NACC1: variants seen among roughly 807,000 people sequenced by gnomAD.
The protein encoded by NACC1 is nucleus accumbens-associated protein 1.
Under a neutral mutation model 41.7 loss-of-function variants are expected in NACC1, and 6 were observed. The observed-to-expected ratio is 0.14, with a 90% CI of 0.08 to 0.28. The LOEUF is 0.28. Ranked by LOEUF, NACC1 falls within the 10% of genes least tolerant of loss-of-function variation. NACC1 has a pLI of 1.00. For synonymous variants in NACC1, 338 were observed against 330.6 expected (o/e 1.02, Z -0.24); for missense variants, 434 against 763.7 (o/e 0.57, Z 5.09).
rs1477811882 is a variant in NACC1, at chr19:13,138,833, CA to C, written c.*428del. On this transcript the variant is annotated 3_prime_UTR_variant, in exon 6 of 6. Coordinates refer to ENST00000292431, the MANE Select transcript of NACC1 (RefSeq NM_052876.4). The surrounding 1 kb of genome is among the most constrained non-coding windows in gnomAD (Gnocchi z 5.7). ...ACTTGAGGGGGGCCCCAGGGGTTCT[CA>C]GGACCCCTCCCACCACCTCCCAGTG... 2 of 183,490 alleles carry C rather than the reference CA, an allele frequency of 1.1e-5. No homozygotes were observed. The highest frequency in any genetic ancestry group is 1.1e-4 in the Admixed American group (2 of 18,388). 11.4% of individuals were successfully genotyped at this position (183,490 alleles called of 1,614,324 possible).
At position 13,138,419 on chromosome 19, in the gene NACC1, C is replaced by A. The variant is rs758612437; in HGVS notation, c.*13C>A. 8 of 1,605,714 alleles carry A rather than the reference C, an allele frequency of 5.0e-6. No individual in the cohort carries two copies. In the South Asian group the frequency reaches 5.5e-5, roughly 11 times the overall value. On this transcript the variant is annotated 3_prime_UTR_variant, in exon 6 of 6. Transcript: ENST00000292431. The surrounding 1 kb of genome is among the most constrained non-coding windows in gnomAD (Gnocchi z 5.7). The stretch of plus-strand genomic sequence containing the variant: ...AGCCCTGCAGTAACCCGCCCAGCCT[C>A]CCGCGGGGCCACACACTTCCCCTCC...
intron 1 of NACC1, among the ~76,000 whole-genome samples, chr19:13,129,869 T>TG (rs969507920): frequency 1.3e-5 from 2 of 150,890 alleles, no homozygotes; most frequent in Admixed American, 6.6e-5. Context: ...CATTGCCAAA[T>TG]GGGGGGGTTC....
chr19:13,134,946 G>T (rs988123514), intron 1 of NACC1, among the ~76,000 whole-genome samples: 1 of 152,224 alleles, frequency 6.6e-6, no homozygotes, highest in Non-Finnish European at 1.5e-5. Flanking sequence ...CCTCCTCTTT[G>T]CAAGGGATAG....
chr19:13,135,168 T>C, intron 1 of NACC1, 32 bp from the exon 2 acceptor site: 1 of 1,527,786 alleles, frequency 6.5e-7, no homozygotes, highest in Non-Finnish European at 8.8e-7. Flanking sequence ...CCTCCGTCTC[T>C]GTCTCTCCAT....
chr19:13,129,517 C>T (rs1043930745), intron 1 of NACC1, among the ~76,000 whole-genome samples: 5 of 152,192 alleles, frequency 3.3e-5, no homozygotes, highest in African/African-American at 1.2e-4. Flanking sequence ...CACTGCAGCT[C>T]ACCCCTGTCC....
At chr19:13,123,301 G>A (rs1403077278) in intron 1 of NACC1, among the ~76,000 whole-genome samples, 1 of 152,180 alleles carries the variant, frequency 6.6e-6, no homozygotes, top group East Asian at 1.9e-4. Flanking sequence ...CGAAGGGTGG[G>A]CTTATGGTTG....
Position 13,135,378 on chromosome 19 carries a change from C to T in NACC1, c.171C>T (p.Asp57=), listed in dbSNP as rs1333010501. The T allele has an allele frequency of 6.2e-7, 1 of 1,613,674 alleles. No individual in the cohort carries two copies. Among genetic ancestry groups the T allele is most frequent in the South Asian group, 1.1e-5 (1 of 91,086 alleles). ...CTGCCAGCAGCTCCTACTTCCGGGA[C>T]CTGTTCAACAACAGCCGCAGCGCCG... ...VLAASSSYFR[D]LFNNSRSAVV... The change falls in exon 2 of 6, where the codon GAC becomes GAT. Residue 57 remains aspartate, a synonymous_variant. Transcript: ENST00000292431.
Position 13,136,489 on chromosome 19 carries a change from C to A in NACC1, c.1120+84C>A. 6.3e-6 allele frequency: 9 copies of A among 1,439,094 alleles called. No individual in the cohort carries two copies. Among genetic ancestry groups the A allele is most frequent in the Non-Finnish European group, 8.4e-6 (9 of 1,073,208 alleles). 89.1% of individuals were successfully genotyped at this position (1,439,094 alleles called of 1,614,324 possible). On this transcript the variant is annotated intron_variant, in intron 3 of 5. Coordinates refer to ENST00000292431, the MANE Select transcript of NACC1 (RefSeq NM_052876.4). The surrounding 1 kb of genome is among the most constrained non-coding windows in gnomAD (Gnocchi z 5.5). ...GCTGGGCTGGGCAGCTGGTTAGGAG[C>A]CCCCAGCACCTCAGTTTCCCTATCT... is the stretch of plus-strand genomic sequence containing the variant.
At chr19:13,124,479 C>T (rs537677083) in intron 1 of NACC1, among the ~76,000 whole-genome samples, 51 of 152,206 alleles carry the variant, frequency 3.4e-4, no homozygotes, top group African/African-American at 1.1e-3. Flanking sequence ...TGGCTTCAAG[C>T]GTCTTCCTGC....
chr19:13,137,471 C>T lies in NACC1; in HGVS notation c.1227-7C>T, dbSNP rs375357951. On this transcript the variant is annotated splice_region_variant and splice_polypyrimidine_tract_variant and intron_variant, in intron 4 of 5. Transcript: ENST00000292431. This position sits in a 1 kb window ranked among gnomAD's most constrained non-coding sequence, Gnocchi z 6.1. ...GCGCTGACTCCCTCCATGTCCCCTG[C>T]CCCCAGGAACACGCTGGCCAACAGC... is the stretch of plus-strand genomic sequence containing the variant. The T allele has an allele frequency of 1.2e-5, 19 of 1,607,438 alleles. No homozygotes were observed. In the African/African-American group the frequency reaches 2.5e-4, roughly 21 times the overall value.
chr19:13,118,649 C>G (rs2019440565), intron 1 of NACC1, among the ~76,000 whole-genome samples, 195 bp downstream of exon 1: 1 of 151,552 alleles, frequency 6.6e-6, no homozygotes, highest in Non-Finnish European at 1.5e-5. Flanking sequence ...AGCTTCAGGG[C>G]TTGGGGGCGG....
At position 13,135,698 on chromosome 19, in the gene NACC1, C is replaced by T. The variant is rs937184728; in HGVS notation, c.491C>T (p.Ser164Leu). The T allele has an allele frequency of 7.1e-6, 11 of 1,553,296 alleles. No individual in the cohort carries two copies. Among genetic ancestry groups the T allele is most frequent in the African/African-American group, 1.4e-5 (1 of 73,914 alleles). ...TGTAGCACCCCGCTGCCCCTCGTGTCGCGGGTGAAGACGGAGCAGCAGGAG... is the reference window on the plus strand; with the variant it reads ...TGTAGCACCCCGCTGCCCCTCGTGTTGCGGGTGAAGACGGAGCAGCAGGAG... ...PACSTPLPLV[S>L]RVKTEQQESD... The change falls in exon 2 of 6, where the codon TCG becomes TTG. Residue 164 changes from serine (S) to leucine (L), a missense_variant. Transcript: ENST00000292431.
chr19:13,138,472 G>A lies in NACC1; in HGVS notation c.*66G>A. 6.3e-7 allele frequency: 1 copy of A among 1,577,690 alleles called. No homozygotes were observed. Reference sequence around the variant, plus strand: ...ACACACACACACACCTGCCATCTTGGTCATGAGCTACTGTCTGTCCCTCCC... The same window carrying A: ...ACACACACACACACCTGCCATCTTGATCATGAGCTACTGTCTGTCCCTCCC... On this transcript the variant is annotated 3_prime_UTR_variant, in exon 6 of 6. Coordinates refer to ENST00000292431, the MANE Select transcript of NACC1 (RefSeq NM_052876.4). This position sits in a 1 kb window ranked among gnomAD's most constrained non-coding sequence, Gnocchi z 5.7.
chr19:13,118,332 C>CGCGGAGGCCGCGGAG lies in NACC1; in HGVS notation c.-120_-106dup, dbSNP rs1416387196. 1 of 146,138 alleles carries CGCGGAGGCCGCGGAG rather than the reference C, an allele frequency of 6.8e-6. No individual in the cohort carries two copies. The highest frequency in any genetic ancestry group is 2.4e-5 in the African/African-American group (1 of 40,896). 9.1% of individuals were successfully genotyped at this position (146,138 alleles called of 1,614,324 possible). A position where few individuals can be genotyped will look rare whatever the true frequency, so the allele number is the denominator to read the frequency against. ...CTGCCGCTGCTGCTGAGGCGGAGGC[C>CGCGGAGGCCGCGGAG]GCGGAGGCCGCGGAGGCGGAGGCCG... On this transcript the variant is annotated 5_prime_UTR_variant, in exon 1 of 6. Transcript: ENST00000292431.
intron 1 of NACC1, among the ~76,000 whole-genome samples, chr19:13,119,752 A>G (rs542724974): frequency 3.3e-5 from 5 of 152,310 alleles, no homozygotes; most frequent in African/African-American, 1.2e-4. Flanking sequence ...AAGGGGATCA[A>G]ATCAGGCACT....
intron 1 of NACC1, among the ~76,000 whole-genome samples, chr19:13,130,144 A>G (rs1461979687): frequency 6.6e-6 from 1 of 152,092 alleles, no homozygotes; most frequent in African/African-American, 2.4e-5. Context: ...TGGCACAATC[A>G]TCACTCACTG....
intron 1 of NACC1, among the ~76,000 whole-genome samples, chr19:13,125,593 T>TGAG (rs2019552048): frequency 1.3e-4 from 20 of 152,006 alleles, no homozygotes; most frequent in Admixed American, 1.2e-3. Flanking sequence ...GCTAATTTTG[T>TGAG]ATTTTTAGTA....
intron 1 of NACC1, among the ~76,000 whole-genome samples, chr19:13,126,399 A>C (rs183305790): frequency 2.6e-5 from 4 of 152,224 alleles, no homozygotes; most frequent in Admixed American, 1.3e-4. Flanking sequence ...TTAGCATGTG[A>C]ATTTTGGGAA....
intron 1 of NACC1, among the ~76,000 whole-genome samples, chr19:13,122,626 T>A (rs1359981944): frequency 2.6e-5 from 4 of 151,704 alleles, no homozygotes; most frequent in Admixed American, 2.0e-4. Context: ...AAAGAATGAT[T>A]GACGCAAATG....
Sources: allele counts gnomAD v4.1 joint callset (sites outside exome capture counted in the v4.1 genomes callset), GRCh38; gene constraint gnomAD v4.1.1; non-coding constraint Gnocchi (gnomAD v3.1); transcripts MANE v1.5; gene names NCBI Gene and HGNC (gene_info 2026-07-23, HGNC 2026-07-21).